RTN4RL1: variants seen among roughly 807,000 people sequenced by gnomAD.
RTN4RL1 encodes the protein reticulon 4 receptor like 1.
RTN4RL1 carries 7 observed loss-of-function variants against 25.6 expected under a neutral mutation model. That is an observed-to-expected ratio of 0.27 (90% CI 0.16 to 0.51). The LOEUF (loss-of-function observed/expected upper bound fraction) is 0.51. Among genes scored for constraint, RTN4RL1 ranks in the 20% least tolerant of loss-of-function variants. The pLI, the probability that RTN4RL1 is intolerant of heterozygous loss-of-function variation, is 0.97. For synonymous variants in RTN4RL1, 297 were observed against 288.2 expected (o/e 1.03, Z -0.31); for missense variants, 500 against 615.6 (o/e 0.81, Z 1.99).
chr17:1,957,916 C>T (rs929026568), intron 1 of RTN4RL1, among the ~76,000 whole-genome samples: 1 of 151,954 alleles, frequency 6.6e-6, no homozygotes, highest in African/African-American at 2.4e-5. Flanking sequence ...AGCACTCACA[C>T]CTGTAATCCC....
At chr17:2,022,372 G>A (rs1051821027) in intron 1 of RTN4RL1, among the ~76,000 whole-genome samples, 3 of 151,764 alleles carry the variant, frequency 2.0e-5, no homozygotes, top group Non-Finnish European at 2.9e-5. Flanking sequence ...AGCTGGCCTC[G>A]AACTCCTGGT....
At chr17:2,018,993 G>A (rs1269091364) in intron 1 of RTN4RL1, 1 of 152,206 alleles carries the variant, frequency 6.6e-6, no homozygotes, top group African/African-American at 2.4e-5. Flanking sequence ...CGAGGTGGCT[G>A]GGACTCATTC....
chr17:1,974,040 GAAA>G lies in RTN4RL1; in HGVS notation c.14-36235_14-36233del, dbSNP rs57063033. On this transcript the variant is annotated intron_variant, in intron 1 of 1. Transcript: ENST00000331238. ...GGCGACAGAGCGAGACTCCGTCTCA[GAAA>G]AAAAAAAAAAAAAAAAAGCTATCCT... Among the ~76,000 whole-genome samples, 7 of 97,032 alleles carry G rather than the reference GAAA, an allele frequency of 7.2e-5. No homozygotes were observed. The South Asian group carries it at 2.1e-3, about 29-fold the overall frequency. The allele number at this position is 97,032 out of a possible 152,430, so 63.7% of individuals were successfully genotyped here.
intron 1 of RTN4RL1, among the ~76,000 whole-genome samples, chr17:2,012,058 C>A (rs946758154): frequency 6.6e-6 from 1 of 152,128 alleles, no homozygotes; most frequent in Non-Finnish European, 1.5e-5. Flanking sequence ...GTCTTCTCAC[C>A]CCAGGCACCA....
chr17:1,950,354 G>T (rs982091427), intron 1 of RTN4RL1, among the ~76,000 whole-genome samples: 6 of 152,204 alleles, frequency 3.9e-5, no homozygotes, highest in Non-Finnish European at 8.8e-5. Context: ...CCAGAAGACG[G>T]ACAGGATGAG....
Position 2,001,054 on chromosome 17 carries a change from C to CTT in RTN4RL1, c.13+23797_13+23798dup, listed in dbSNP as rs541156399. 5.6e-3 allele frequency among the ~76,000 whole-genome samples: 815 copies of CTT among 144,342 alleles called. 7 individuals carry two copies. The highest frequency in any genetic ancestry group is 0.014 in the African/African-American group (560 of 39,090). The allele number at this position is 144,342 out of a possible 152,430, so 94.7% of individuals were successfully genotyped here. A position where few individuals can be genotyped will look rare whatever the true frequency, so the allele number is the denominator to read the frequency against. ...TAACAATAATAATGTTTTTCATTTACTTTTTTTTTTTTTGTAGTGATGGGG... is the reference window on the plus strand; with the variant it reads ...TAACAATAATAATGTTTTTCATTTACTTTTTTTTTTTTTTTGTAGTGATGGGG... On this transcript the variant is annotated intron_variant, in intron 1 of 1. Transcript: ENST00000331238.
chr17:1,980,641 GCCCGC>G (rs2066863008), intron 1 of RTN4RL1, among the ~76,000 whole-genome samples: 1 of 151,836 alleles, frequency 6.6e-6, no homozygotes, highest in African/African-American at 2.4e-5. Context: ...TAATTCATGG[GCCCGC>G]TCAGCAACCT....
intron 1 of RTN4RL1, among the ~76,000 whole-genome samples, chr17:1,978,540 T>G (rs2066853260): frequency 6.6e-6 from 1 of 152,086 alleles, no homozygotes; most frequent in Non-Finnish European, 1.5e-5. Flanking sequence ...GGCCAACAGC[T>G]CTTGCTTGGA....
At chr17:1,951,434 G>GT (rs367639960) in intron 1 of RTN4RL1, among the ~76,000 whole-genome samples, 224 of 151,792 alleles carry the variant, frequency 1.5e-3, no homozygotes, top group African/African-American at 4.8e-3. Flanking sequence ...AAGCCACAAA[G>GT]TTTTTTTTGT....
intron 1 of RTN4RL1, among the ~76,000 whole-genome samples, chr17:1,938,798 C>A (rs895590056): frequency 6.6e-6 from 1 of 151,932 alleles, no homozygotes; most frequent in Admixed American, 6.6e-5. Flanking sequence ...CGCCTGTAAT[C>A]CCAACACTTT....
In RTN4RL1 at chr17:1,993,735, G is replaced by A. The variant is rs368449796; in HGVS notation, c.13+31118C>T. ...CTTGAAACAATTCTGGAACTTCCTCGTGAGAAAACTGGCTCAGTTGGTTAG... is the reference window on the plus strand; with the variant it reads ...CTTGAAACAATTCTGGAACTTCCTCATGAGAAAACTGGCTCAGTTGGTTAG... On this transcript the variant is annotated intron_variant, in intron 1 of 1. Transcript: ENST00000331238. 2.6e-5 allele frequency among the ~76,000 whole-genome samples: 4 copies of A among 151,708 alleles called. No individual in the cohort carries two copies. The East Asian group carries it at 7.7e-4, about 29-fold the overall frequency.
At chr17:1,967,644 CTT>C (rs146857593) in intron 1 of RTN4RL1, among the ~76,000 whole-genome samples, 6,176 of 151,760 alleles carry the variant, frequency 0.041, 193 homozygotes, top group Non-Finnish European at 0.06. Flanking sequence ...CAGTCTCTCT[CTT>C]TCTTTTTTTT....
intron 1 of RTN4RL1, among the ~76,000 whole-genome samples, chr17:1,984,049 AC>A (rs1466887191): frequency 6.6e-6 from 1 of 152,190 alleles, no homozygotes; most frequent in Non-Finnish European, 1.5e-5. Flanking sequence ...AGCTGTATAC[AC>A]CAAATGCAGG....
chr17:2,004,428 G>A (rs944607874), intron 1 of RTN4RL1, among the ~76,000 whole-genome samples: 9 of 151,686 alleles, frequency 5.9e-5, no homozygotes, highest in African/African-American at 1.5e-4. Context: ...TCTATTTTGC[G>A]GGCCAGGAGG....
At chr17:1,982,308 A>AAAGAG (rs111848978) in intron 1 of RTN4RL1, among the ~76,000 whole-genome samples, 2,339 of 150,356 alleles carry the variant, frequency 0.016, 61 homozygotes, top group African/African-American at 0.053. Flanking sequence ...CTCAAAAAGA[A>AAAGAG]AAGAGAAGAG....
chr17:1,974,586 C>A (rs1484457879), intron 1 of RTN4RL1, among the ~76,000 whole-genome samples: 1 of 152,122 alleles, frequency 6.6e-6, no homozygotes, highest in South Asian at 2.1e-4. Flanking sequence ...CAAGAACCCA[C>A]TGGTGTTACT....
intron 1 of RTN4RL1, among the ~76,000 whole-genome samples, chr17:1,967,135 G>A (rs2066795032): frequency 6.7e-6 from 1 of 149,052 alleles, no homozygotes; most frequent in African/African-American, 2.6e-5. Flanking sequence ...CAGGCCCCAG[G>A]CTCCCGCCGC....
rs1195261113 is a variant in RTN4RL1, at chr17:2,025,224, C to T, written c.-359G>A. Reference sequence around the variant, plus strand: ...CCTGGCCGGCCGGCCGCAGCCCCCTCCTCTCCGCCCCCTCGGACCACCGCC... The same window carrying T: ...CCTGGCCGGCCGGCCGCAGCCCCCTTCTCTCCGCCCCCTCGGACCACCGCC... On this transcript the variant is annotated 5_prime_UTR_variant, in exon 1 of 2. Coordinates refer to ENST00000331238, the MANE Select transcript of RTN4RL1 (RefSeq NM_178568.4). This position sits in a 1 kb window ranked among gnomAD's most constrained non-coding sequence, Gnocchi z 4.8. 5.0e-6 allele frequency: 1 copy of T among 198,110 alleles called. No individual in the cohort carries two copies. The highest frequency in any genetic ancestry group is 1.0e-5 in the Non-Finnish European group (1 of 98,214). 12.3% of individuals were successfully genotyped at this position (198,110 alleles called of 1,614,324 possible).
At chr17:1,999,258 C>T (rs1409495191) in intron 1 of RTN4RL1, among the ~76,000 whole-genome samples, 2 of 151,680 alleles carry the variant, frequency 1.3e-5, no homozygotes, top group Non-Finnish European at 2.9e-5. Context: ...CCATCCTGGC[C>T]AACATGGTGA....
Sources: allele counts gnomAD v4.1 joint callset (sites outside exome capture counted in the v4.1 genomes callset), GRCh38; gene constraint gnomAD v4.1.1; non-coding constraint Gnocchi (gnomAD v3.1); transcripts MANE v1.5; gene names NCBI Gene and HGNC (gene_info 2026-07-23, HGNC 2026-07-21).